Variants in BTD observed in about 807,000 individuals in gnomAD.
The protein encoded by BTD is biocytinase.
BTD carries 13 observed loss-of-function variants against 17.7 expected under a neutral mutation model. The ratio of observed to expected loss-of-function variants is 0.74; its 90% CI spans 0.48 to 1.17. BTD has a LOEUF of 1.17. Among genes scored for constraint, BTD ranks in the 50% most tolerant of loss-of-function variants. BTD has a pLI of 0.00. For missense variants in BTD, 674 were observed against 650.4 expected (o/e 1.04, Z -0.39); for synonymous variants, 240 against 245.2 (o/e 0.98, Z 0.20).
chr3:15,655,031 C>G (rs564191662), downstream of BTD, among the ~76,000 whole-genome samples: 4 of 152,184 alleles, frequency 2.6e-5, no homozygotes, highest in Non-Finnish European at 5.9e-5. Context: ...CCGCGCCCGG[C>G]CTGCATCAGT....
At chr3:15,614,598 C>CTTT (rs869155456) in intron 1 of BTD, among the ~76,000 whole-genome samples, 4 of 125,252 alleles carry the variant, frequency 3.2e-5, no homozygotes, top group Admixed American at 1.6e-4. Context: ...ATATCTTTTT[C>CTTT]TTTTTTTTTT....
intron 3 of BTD, among the ~76,000 whole-genome samples, chr3:15,706,719 G>A (rs2071484889): frequency 6.6e-6 from 1 of 152,108 alleles, no homozygotes; most frequent in South Asian, 2.1e-4. Flanking sequence ...GTATAAAAGT[G>A]TTCCTATTTC....
Position 15,649,745 on chromosome 3 carries a change from G to A in BTD, c.*4257G>A, listed in dbSNP as rs79902268. Among the ~76,000 whole-genome samples, 850 of 152,280 alleles carry A rather than the reference G, an allele frequency of 5.6e-3. 9 individuals carry two copies. The highest frequency in any genetic ancestry group is 0.02 in the African/African-American group (812 of 41,550). On this transcript the variant is annotated 3_prime_UTR_variant, in exon 4 of 4. Coordinates refer to ENST00000643237, the MANE Select transcript of BTD (RefSeq NM_001370658.1). ...AAGGTCTACTCTCTCATCACAGCTT[G>A]TGACTCTTCCACTTTTTGAACTGGT...
chr3:15,701,651 T>A (rs373954485), intron 3 of BTD, among the ~76,000 whole-genome samples: 1 of 151,710 alleles, frequency 6.6e-6, no homozygotes, highest in Non-Finnish European at 1.5e-5. Flanking sequence ...TCTCAAAAAA[T>A]AAATAAATAA....
intron 3 of BTD, chr3:15,683,911 AC>A (rs750788927): frequency 6.6e-6 from 1 of 152,232 alleles, no homozygotes; most frequent in Non-Finnish European, 1.5e-5. Context: ...TGATTTTACA[AC>A]AGATATTATA....
At chr3:15,701,363 A>G (rs1447015875) in intron 3 of BTD, among the ~76,000 whole-genome samples, 1 of 152,132 alleles carries the variant, frequency 6.6e-6, no homozygotes, top group African/African-American at 2.4e-5. Context: ...AAGAAGATTA[A>G]GCTGGGTGCA....
chr3:15,602,337 C>T (rs1282504732), intron 1 of BTD: 2 of 1,043,054 alleles, frequency 1.9e-6, no homozygotes, highest in Admixed American at 4.8e-5. Flanking sequence ...TTTTCTCCAG[C>T]CCTTGCTACT....
rs3048217 is a variant in BTD at position 15,650,437 on chromosome 3, C to CA, written c.*4961dup. 3.2e-3 allele frequency among the ~76,000 whole-genome samples: 477 copies of CA among 150,030 alleles called. No individual in the cohort carries two copies. Among genetic ancestry groups the CA allele is most frequent in the Admixed American group, 4.0e-3 (61 of 15,128 alleles). On this transcript the variant is annotated 3_prime_UTR_variant, in exon 4 of 4. Coordinates refer to ENST00000643237, the MANE Select transcript of BTD (RefSeq NM_001370658.1). ...CTTCATCTTTTTCTTTTTGTTTGAG[C>CA]AAAAAAAAAAAAGAATATATTAACT...
At chr3:15,717,715 T>A (rs1345506252), downstream of BTD, among the ~76,000 whole-genome samples, 1 of 152,108 alleles carries the variant, frequency 6.6e-6, no homozygotes, top group African/African-American at 2.4e-5. Flanking sequence ...AAGAACAATG[T>A]GGGTGGGAAA....
Position 15,624,545 on chromosome 3 carries a change from T to C in BTD, c.-16-10879T>C, listed in dbSNP as rs1470782267. Among the ~76,000 whole-genome samples, 12 of 152,186 alleles carry C rather than the reference T, an allele frequency of 7.9e-5. 1 individual carries two copies. Among genetic ancestry groups the C allele is most frequent in the Admixed American group, 7.2e-4 (11 of 15,266 alleles). ...TCATTTCTGTTAGTGTTTTTTAATC[T>C]CAGGCATTTCTTTTTTTATTCTTTC... On this transcript the variant is annotated intron_variant, in intron 1 of 3. Transcript: ENST00000643237.
At chr3:15,601,978 T>TG (rs1460914766) in intron 1 of BTD, 84 bp downstream of exon 1, 8 of 1,576,754 alleles carry the variant, frequency 5.1e-6, no homozygotes, top group Non-Finnish European at 6.9e-6. Flanking sequence ...CAGTTGGACT[T>TG]GGGGAGGGCT....
rs1292156120 is a variant in BTD at position 15,650,420 on chromosome 3, TTTTC to T, written c.*4936_*4939del. 8.0e-6 allele frequency among the ~76,000 whole-genome samples: 1 copy of T among 124,476 alleles called. No individual in the cohort carries two copies. Among genetic ancestry groups the T allele is most frequent in the Non-Finnish European group, 1.6e-5 (1 of 60,736 alleles). The allele number at this position is 124,476 out of a possible 152,430, so 81.7% of individuals were successfully genotyped here. A position where few individuals can be genotyped will look rare whatever the true frequency, so the allele number is the denominator to read the frequency against. On this transcript the variant is annotated 3_prime_UTR_variant, in exon 4 of 4. Transcript: ENST00000643237. ...ATTTTCCTTCTCATTCTCTTCATCT[TTTTC>T]TTTTTGTTTGAGCAAAAAAAAAAAA...
chr3:15,697,430 T>C (rs890520553), intron 3 of BTD: 2 of 152,092 alleles, frequency 1.3e-5, no homozygotes, highest in African/African-American at 4.8e-5. Flanking sequence ...ATAAAGAACT[T>C]ATCTATGTAA....
chr3:15,620,513 G>T lies in BTD; in HGVS notation c.-16-14911G>T, dbSNP rs557969611. Among the ~76,000 whole-genome samples, 3 of 152,144 alleles carry T rather than the reference G, an allele frequency of 2.0e-5. No individual in the cohort carries two copies. In the South Asian group the frequency reaches 6.2e-4, roughly 32 times the overall value. On this transcript the variant is annotated intron_variant, in intron 1 of 3. Coordinates refer to ENST00000643237, the MANE Select transcript of BTD (RefSeq NM_001370658.1). ...TGTCTTCCCTTGTTCCATAAAAATC[G>T]CTATTATTCTGTTCTTTTTCAAGGT... is the stretch of plus-strand genomic sequence containing the variant.
chr3:15,684,068 T>C (rs147544322), intron 3 of BTD: 3 of 152,294 alleles, frequency 2.0e-5, no homozygotes, highest in East Asian at 1.9e-4. Context: ...TACACTGAAA[T>C]TGAAAACAAA....
downstream of BTD, among the ~76,000 whole-genome samples, chr3:15,654,582 A>G (rs2065852234): frequency 6.6e-6 from 1 of 151,952 alleles, no homozygotes; most frequent in Non-Finnish European, 1.5e-5. Flanking sequence ...ACATTTTCTA[A>G]TATAGTCCTG....
intron 3 of BTD, among the ~76,000 whole-genome samples, chr3:15,695,610 T>A (rs371119009): frequency 1.3e-5 from 2 of 152,134 alleles, no homozygotes; most frequent in East Asian, 3.8e-4. Context: ...GTTACACACA[T>A]GAATATCTTT....
chr3:15,656,957 G>T (rs775291935), downstream of BTD, among the ~76,000 whole-genome samples: 7 of 152,256 alleles, frequency 4.6e-5, no homozygotes, highest in Non-Finnish European at 1.0e-4. Context: ...CCTCTTTCTG[G>T]CCGGAGTGGT....
Position 15,648,344 on chromosome 3 carries a change from G to A in BTD, c.*2856G>A, listed in dbSNP as rs2125517389. Among the ~76,000 whole-genome samples the A allele has an allele frequency of 6.6e-6, 1 of 152,336 alleles. No individual in the cohort carries two copies. The stretch of plus-strand genomic sequence containing the variant: ...GAGACAAGAGCTGATGTGGCCTGAA[G>A]ATCTGTGAGTGGGACTGCTTGGGAG... On this transcript the variant is annotated 3_prime_UTR_variant, in exon 4 of 4. Transcript: ENST00000643237.
Sources: allele counts gnomAD v4.1 joint callset (sites outside exome capture counted in the v4.1 genomes callset), GRCh38; gene constraint gnomAD v4.1.1; transcripts MANE v1.5; gene names NCBI Gene and HGNC (gene_info 2026-07-23, HGNC 2026-07-21).